The following ADAMTSL1 variants were observed in gnomAD, a reference collection of about 807,000 sequenced individuals.
ADAMTSL1 encodes the protein ADAMTS like 1.
ADAMTSL1 carries 126 observed loss-of-function variants against 201.8 expected under a neutral mutation model. The observed-to-expected ratio is 0.62, with a 90% confidence interval of 0.54 to 0.72. The LOEUF (loss-of-function observed/expected upper bound fraction) is 0.72. Ranked by LOEUF, ADAMTSL1 falls within the 30% of genes least tolerant of loss-of-function variation. The probability of loss-of-function intolerance (pLI) is 0.00; values close to 1 mark genes in which losing one functional copy is unlikely to be tolerated. For missense variants in ADAMTSL1, 2,679 were observed against 2,277.8 expected, an observed-to-expected ratio of 1.18 and a Z score of -3.59; for synonymous variants, 1,121 against 903.4, an observed-to-expected ratio of 1.24 and a Z score of -4.32.
chr9:18,246,563 C>T (rs1831265032), intron 2 of ADAMTSL1, among the ~76,000 whole-genome samples: 1 of 152,080 alleles, frequency 6.6e-6, no homozygotes, highest in Non-Finnish European at 1.5e-5. Context: ...AAAGACTTTA[C>T]CTATATTTTC....
intron 1 of ADAMTSL1, among the ~76,000 whole-genome samples, chr9:18,128,367 T>C (rs1825820680): frequency 6.6e-6 from 1 of 151,362 alleles, no homozygotes; most frequent in African/African-American, 2.5e-5. Context: ...TGCACAATAA[T>C]TTTTTTTCCC....
rs1194946954 is a variant in ADAMTSL1 at position 18,416,309 on chromosome 9, A to G, written c.208-88520A>G. 2.6e-5 allele frequency among the ~76,000 whole-genome samples: 4 copies of G among 152,116 alleles called. No homozygotes were observed. The East Asian group carries it at 5.8e-4, about 22-fold the overall frequency. ...ATGGTAAGTTGAAGAGATATACTAT[A>G]AACCCTAAAGCAACCACTAAACTAA... is the stretch of plus-strand genomic sequence containing the variant. On this transcript the variant is annotated intron_variant, in intron 2 of 29. Coordinates refer to the ADAMTSL1 transcript ENST00000680146.
At chr9:18,571,662 G>GT (rs1822311074) in intron 3 of ADAMTSL1, among the ~76,000 whole-genome samples, 1 of 152,168 alleles carries the variant, frequency 6.6e-6, no homozygotes, top group Non-Finnish European at 1.5e-5. Context: ...AGACTCTATC[G>GT]TATCTCAAGT....
intron 1 of ADAMTSL1, among the ~76,000 whole-genome samples, chr9:17,972,145 T>A (rs1022757801): frequency 6.6e-6 from 1 of 151,660 alleles, no homozygotes; most frequent in African/African-American, 2.4e-5. Flanking sequence ...ATTTTCTTTT[T>A]CTTTTTTTTA....
At chr9:18,788,122 A>G (rs1316224118) in intron 19 of ADAMTSL1, among the ~76,000 whole-genome samples, 2 of 152,230 alleles carry the variant, frequency 1.3e-5, no homozygotes, top group African/African-American at 4.8e-5. Context: ...GGTTAAAAAA[A>G]GTTGCCCTAG....
chr9:18,752,325 CA>C (rs1388791923), intron 15 of ADAMTSL1, among the ~76,000 whole-genome samples: 2 of 152,080 alleles, frequency 1.3e-5, no homozygotes, highest in Admixed American at 6.5e-5. Context: ...ACATTAAGGC[CA>C]AAAAATTTTC....
intron 20 of ADAMTSL1, among the ~76,000 whole-genome samples, chr9:18,799,460 G>A (rs964206639): frequency 6.6e-6 from 1 of 152,166 alleles, no homozygotes; most frequent in Non-Finnish European, 1.5e-5. Context: ...CTTCAGTCTG[G>A]ATCCGTGGAG....
At chr9:18,774,905 T>A (rs1043044627) in intron 17 of ADAMTSL1, among the ~76,000 whole-genome samples, 13 of 152,350 alleles carry the variant, frequency 8.5e-5, no homozygotes, top group Middle Eastern at 3.4e-3. Flanking sequence ...TACCCAGTAG[T>A]AAAATTGCTA....
At chr9:18,270,856 C>A (rs16936500) in intron 2 of ADAMTSL1, among the ~76,000 whole-genome samples, 2 of 152,060 alleles carry the variant, frequency 1.3e-5, no homozygotes, top group Non-Finnish European at 2.9e-5. Flanking sequence ...ATATGTCATT[C>A]GGGCAAGTGG....
intron 16 of ADAMTSL1, among the ~76,000 whole-genome samples, chr9:18,766,555 C>T (rs1820376655): frequency 1.3e-5 from 2 of 152,148 alleles, no homozygotes; most frequent in Non-Finnish European, 2.9e-5. Flanking sequence ...AAACAAAATA[C>T]CGTAGACTGA....
At chr9:18,848,719 G>T (rs1218201605) in intron 23 of ADAMTSL1, among the ~76,000 whole-genome samples, 1 of 152,220 alleles carries the variant, frequency 6.6e-6, no homozygotes, top group Non-Finnish European at 1.5e-5. Context: ...TCTGTAAAGT[G>T]CCAGATAGGA....
chr9:18,834,177 T>G (rs1203671604), intron 23 of ADAMTSL1, among the ~76,000 whole-genome samples: 1 of 152,218 alleles, frequency 6.6e-6, no homozygotes, highest in Admixed American at 6.5e-5. Flanking sequence ...AGGGCTTTTT[T>G]TGGGTTCCAT....
intron 2 of ADAMTSL1, among the ~76,000 whole-genome samples, chr9:18,232,400 G>A (rs1422563272): frequency 6.6e-6 from 1 of 152,000 alleles, no homozygotes; most frequent in Non-Finnish European, 1.5e-5. Flanking sequence ...TTCCCATCCT[G>A]GCCTGCAACT....
At chr9:18,853,986 G>A (rs1449756919) in intron 23 of ADAMTSL1, among the ~76,000 whole-genome samples, 1 of 151,684 alleles carries the variant, frequency 6.6e-6, no homozygotes, top group Non-Finnish European at 1.5e-5. Context: ...CCAAGATATT[G>A]TCTACCACTG....
intron 4 of ADAMTSL1, among the ~76,000 whole-genome samples, chr9:18,587,715 T>A (rs888529099): frequency 1.3e-5 from 2 of 152,130 alleles, no homozygotes; most frequent in African/African-American, 4.8e-5. Context: ...AGCTCCCACA[T>A]ATGAGTGAGA....
chr9:18,224,308 C>A (rs1046665422), intron 2 of ADAMTSL1, among the ~76,000 whole-genome samples: 4 of 152,092 alleles, frequency 2.6e-5, no homozygotes, highest in African/African-American at 9.7e-5. Context: ...AATGCTATAT[C>A]CTCCAGAGGA....
chr9:18,071,881 C>T (rs544676173), intron 1 of ADAMTSL1, among the ~76,000 whole-genome samples: 10 of 152,282 alleles, frequency 6.6e-5, no homozygotes, highest in East Asian at 3.9e-4. Context: ...ATTCATCAGC[C>T]GCACTTCCTG....
chr9:18,606,469 A>G (rs1348983001), intron 4 of ADAMTSL1, among the ~76,000 whole-genome samples: 1 of 152,216 alleles, frequency 6.6e-6, no homozygotes, highest in African/African-American at 2.4e-5. Context: ...TTCTCTAAAC[A>G]GAGCGCTCGC....
chr9:18,150,337 G>C (rs1030900646), intron 1 of ADAMTSL1, among the ~76,000 whole-genome samples: 2 of 152,034 alleles, frequency 1.3e-5, no homozygotes. Context: ...GGAAAGGAAA[G>C]AAGACAGTTT....
Sources: allele counts gnomAD v4.1 joint callset (sites outside exome capture counted in the v4.1 genomes callset), GRCh38; gene constraint gnomAD v4.1.1; transcripts MANE v1.5; gene names NCBI Gene and HGNC (gene_info 2026-07-23, HGNC 2026-07-21).